NBAS: variants seen among roughly 807,000 people sequenced by gnomAD.
NBAS encodes the protein NAG/BC035112 fusion.
NBAS carries 219 observed loss-of-function variants against 302.5 expected under a neutral mutation model. The ratio of observed to expected loss-of-function variants is 0.72; its 90% CI spans 0.65 to 0.81. The LOEUF (loss-of-function observed/expected upper bound fraction) is 0.81. Among genes scored for constraint, NBAS ranks in the 30% least tolerant of loss-of-function variants. The pLI, the probability that NBAS is intolerant of heterozygous loss-of-function variation, is 0.00. For missense variants in NBAS, 2,932 were observed against 2,841.6 expected, an observed-to-expected ratio of 1.03 and a Z score of -0.72; for synonymous variants, 1,118 against 1,021.6, an observed-to-expected ratio of 1.09 and a Z score of -1.80.
At chr2:15,017,331 T>A in the NBAS span, among the ~76,000 whole-genome samples, 1 of 151,554 alleles carries the variant, frequency 6.6e-6, no homozygotes, top group South Asian at 2.1e-4. Flanking sequence ...TAATATCAAA[T>A]AAAAAAGCTT....
chr2:15,178,937 T>C (rs1429752765), intron 51 of NBAS, 51 bp downstream of exon 51: 6 of 1,577,500 alleles, frequency 3.8e-6, no homozygotes, highest in Non-Finnish European at 5.1e-6. Context: ...ATTCATTCCT[T>C]TGAAACATTA....
intron 18 of NBAS, 26 bp from the exon 19 acceptor site, chr2:15,467,433 A>T: frequency 1.3e-6 from 2 of 1,542,542 alleles, no homozygotes; most frequent in Non-Finnish European, 1.8e-6. Context: ...ATGTTAGGCC[A>T]CTTATATTTA....
rs142098830 is a variant in NBAS, at chr2:15,217,096, G to T, written c.6432+1677C>A. Among the ~76,000 whole-genome samples the T allele has an allele frequency of 3.0e-3, 462 of 152,316 alleles. 1 individual carries two copies. Among genetic ancestry groups the T allele is most frequent in the African/African-American group, 0.01 (433 of 41,576 alleles). On this transcript the variant is annotated intron_variant, in intron 48 of 51. Transcript: ENST00000281513. ...TCTCTAACTTCTATGCCCTGTACCG[G>T]CAATAGAGCTTGTGGCCTATGCCTT...
At chr2:15,099,942 G>C in the NBAS span, among the ~76,000 whole-genome samples, 1 of 152,202 alleles carries the variant, frequency 6.6e-6, no homozygotes, top group East Asian at 1.9e-4. Context: ...GGGAAATCTA[G>C]GGGGAAAATG....
At chr2:14,925,588 C>T in the NBAS span, among the ~76,000 whole-genome samples, 1 of 152,192 alleles carries the variant, frequency 6.6e-6, no homozygotes, top group African/African-American at 2.4e-5. Flanking sequence ...ATGCATCCCA[C>T]TCTTTACAGA....
chr2:14,845,037 G>A, the NBAS span, among the ~76,000 whole-genome samples: 1 of 152,178 alleles, frequency 6.6e-6, no homozygotes, highest in Non-Finnish European at 1.5e-5. Flanking sequence ...TGATTGTAAA[G>A]CCCTAGGGCC....
intron 21 of NBAS, among the ~76,000 whole-genome samples, chr2:15,439,835 T>C (rs11894056): frequency 0.013 from 1,910 of 152,260 alleles, 36 homozygotes; most frequent in African/African-American, 0.043. Context: ...GCTTAAAAAA[T>C]GGTGCATCAG....
chr2:15,048,415 G>T, the NBAS span, among the ~76,000 whole-genome samples: 1 of 152,222 alleles, frequency 6.6e-6, no homozygotes, highest in African/African-American at 2.4e-5. Flanking sequence ...CATCAGCTCA[G>T]CCCCCAGGCC....
At chr2:15,423,855 T>C (rs897694331) in intron 23 of NBAS, among the ~76,000 whole-genome samples, 1 of 152,246 alleles carries the variant, frequency 6.6e-6, no homozygotes. Context: ...CTGTTTGGCA[T>C]CTCTGTAAAA....
Position 15,460,518 on chromosome 2 carries a change from T to A in NBAS, c.2339+683A>T, listed in dbSNP as rs529882272. Among the ~76,000 whole-genome samples the A allele has an allele frequency of 9.2e-5, 14 of 152,308 alleles. 1 individual carries two copies. The highest frequency in any genetic ancestry group is 8.5e-4 in the Admixed American group (13 of 15,296). The stretch of plus-strand genomic sequence containing the variant: ...ATGCTAAGCCCTCTTTTCTCCCAGG[T>A]GCCATTCAGGCCTGGGGCAAATGGT... On this transcript the variant is annotated intron_variant, in intron 21 of 51. Coordinates refer to ENST00000281513, the MANE Select transcript of NBAS (RefSeq NM_015909.4).
the NBAS span, among the ~76,000 whole-genome samples, chr2:14,990,403 A>G: frequency 6.6e-6 from 1 of 151,788 alleles, no homozygotes; most frequent in South Asian, 2.1e-4. Flanking sequence ...CAGCCTGGGC[A>G]ACAGAGTGAG....
At chr2:14,928,803 C>T in the NBAS span, among the ~76,000 whole-genome samples, 1 of 152,160 alleles carries the variant, frequency 6.6e-6, no homozygotes, top group South Asian at 2.1e-4. Context: ...AATCTCAGTC[C>T]TTGTAGGTCA....
the NBAS span, among the ~76,000 whole-genome samples, chr2:14,856,068 G>T: frequency 6.6e-6 from 1 of 152,172 alleles, no homozygotes; most frequent in Admixed American, 6.5e-5. Flanking sequence ...GTCACTCAGA[G>T]CAGAGAGAGA....
intron 44 of NBAS, among the ~76,000 whole-genome samples, chr2:15,252,121 T>C (rs1290465705): frequency 6.6e-6 from 1 of 152,212 alleles, no homozygotes; most frequent in Non-Finnish European, 1.5e-5. Context: ...AATGGCTTGA[T>C]TCATAATTCA....
chr2:14,978,561 A>G, the NBAS span, among the ~76,000 whole-genome samples: 444 of 152,296 alleles, frequency 2.9e-3, 1 homozygote, highest in African/African-American at 0.01. Context: ...CTGGCTTTGA[A>G]TGCAGCTAGC....
At chr2:15,331,552 A>T (rs1162783804) in intron 35 of NBAS, among the ~76,000 whole-genome samples, 1 of 152,242 alleles carries the variant, frequency 6.6e-6, no homozygotes, top group Middle Eastern at 3.2e-3. Flanking sequence ...TTAGTTTATC[A>T]ATACCAATAG....
chr2:14,928,627 T>C, the NBAS span, among the ~76,000 whole-genome samples: 1 of 152,124 alleles, frequency 6.6e-6, no homozygotes. Flanking sequence ...TGAAAAGAAA[T>C]TCAGTTTAGT....
At position 15,240,341 on chromosome 2, in the gene NBAS, G is replaced by A. The variant is rs142360062; in HGVS notation, c.5725-1655C>T. On this transcript the variant is annotated intron_variant, in intron 44 of 51. Coordinates refer to ENST00000281513, the MANE Select transcript of NBAS (RefSeq NM_015909.4). Reference sequence around the variant, plus strand: ...TATGACTTTAAAATGCTGACAGGACGCCTGTCATCCCAGGACTTTGGGAGG... The same window carrying A: ...TATGACTTTAAAATGCTGACAGGACACCTGTCATCCCAGGACTTTGGGAGG... Among the ~76,000 whole-genome samples the A allele has an allele frequency of 2.5e-3, 370 of 150,960 alleles. 2 individuals are homozygous for A. Among genetic ancestry groups the A allele is most frequent in the African/African-American group, 8.5e-3 (350 of 41,022 alleles).
At chr2:14,996,603 C>T in the NBAS span, among the ~76,000 whole-genome samples, 1 of 152,176 alleles carries the variant, frequency 6.6e-6, no homozygotes, top group Non-Finnish European at 1.5e-5. Flanking sequence ...TGTCTCTTTG[C>T]GATGACAGAT....
Sources: allele counts gnomAD v4.1 joint callset (sites outside exome capture counted in the v4.1 genomes callset), GRCh38; gene constraint gnomAD v4.1.1; transcripts MANE v1.5; gene names NCBI Gene and HGNC (gene_info 2026-07-23, HGNC 2026-07-21).